HYCC1: variants seen among roughly 807,000 people sequenced by gnomAD.
HYCC1 encodes hyccin.
chr7:22,963,302 T>C, the HYCC1 span, among the ~76,000 whole-genome samples: 4 of 152,194 alleles, frequency 2.6e-5, no homozygotes, highest in Admixed American at 6.5e-5. Flanking sequence ...CTAAAGGCTC[T>C]AGTGGAAAAG....
the HYCC1 span, among the ~76,000 whole-genome samples, chr7:23,010,173 A>G: frequency 2.0e-5 from 3 of 152,240 alleles, no homozygotes; most frequent in Admixed American, 6.5e-5. Flanking sequence ...GATGATAACA[A>G]AGAAATATAC....
the HYCC1 span, among the ~76,000 whole-genome samples, chr7:22,914,073 G>T: frequency 6.6e-6 from 1 of 152,130 alleles, no homozygotes; most frequent in Non-Finnish European, 1.5e-5. Context: ...AGAAACAAAG[G>T]AGGCACATTT....
the HYCC1 span, among the ~76,000 whole-genome samples, chr7:22,948,353 TA>T: frequency 6.6e-6 from 1 of 152,072 alleles, no homozygotes; most frequent in Non-Finnish European, 1.5e-5. Context: ...TAACAGGTAG[TA>T]AAAGAACAAA....
chr7:22,918,997 A>G, the HYCC1 span, among the ~76,000 whole-genome samples: 1 of 152,192 alleles, frequency 6.6e-6, no homozygotes, highest in Non-Finnish European at 1.5e-5. Flanking sequence ...AATAACAAAA[A>G]CAAGTCCCAG....
chr7:22,946,169 C>T, the HYCC1 span: 1 of 1,608,100 alleles, frequency 6.2e-7, no homozygotes, highest in Non-Finnish European at 8.5e-7. Context: ...ATTTCCTAAA[C>T]AAAGAAATGA....
the HYCC1 span, among the ~76,000 whole-genome samples, chr7:22,952,407 T>C: frequency 6.6e-6 from 1 of 151,954 alleles, no homozygotes; most frequent in African/African-American, 2.4e-5. Context: ...ACTATTCAAA[T>C]TTCAGCTCAA....
the HYCC1 span, among the ~76,000 whole-genome samples, chr7:22,899,480 C>T: frequency 6.6e-6 from 1 of 152,162 alleles, no homozygotes; most frequent in African/African-American, 2.4e-5. Context: ...CAACCTGTCC[C>T]TCTGCACACA....
At chr7:22,945,419 A>G in the HYCC1 span, 1 of 619,582 alleles carries the variant, frequency 1.6e-6, no homozygotes. Context: ...CCATATTTCA[A>G]CTTACTGCAA....
At chr7:22,953,161 C>T in the HYCC1 span, among the ~76,000 whole-genome samples, 1 of 151,852 alleles carries the variant, frequency 6.6e-6, no homozygotes, top group Non-Finnish European at 1.5e-5. Flanking sequence ...TAGAGAATTG[C>T]AACATACGGC....
At chr7:22,961,015 C>T in the HYCC1 span, among the ~76,000 whole-genome samples, 1 of 152,196 alleles carries the variant, frequency 6.6e-6, no homozygotes, top group Non-Finnish European at 1.5e-5. Flanking sequence ...CGTGCCATTG[C>T]ACTCCAGCCT....
At chr7:22,973,589 G>GT in the HYCC1 span, among the ~76,000 whole-genome samples, 5 of 151,676 alleles carry the variant, frequency 3.3e-5, no homozygotes, top group Non-Finnish European at 7.4e-5. Context: ...CCCCACTCTT[G>GT]TTTTTTTTCA....
At chr7:22,980,544 CA>C in the HYCC1 span, among the ~76,000 whole-genome samples, 1 of 152,070 alleles carries the variant, frequency 6.6e-6, no homozygotes. Flanking sequence ...GCACATGACT[CA>C]AAAATGTTCT....
the HYCC1 span, among the ~76,000 whole-genome samples, chr7:22,900,167 A>C: frequency 6.6e-6 from 1 of 152,214 alleles, no homozygotes; most frequent in Non-Finnish European, 1.5e-5. Context: ...TTTAAAGGGG[A>C]CAGTTTTCCT....
chr7:22,925,981 C>A, the HYCC1 span, among the ~76,000 whole-genome samples: 2 of 152,294 alleles, frequency 1.3e-5, no homozygotes, highest in South Asian at 2.1e-4. Flanking sequence ...AACAGCTGAT[C>A]TCTCGGCAGA....
the HYCC1 span, among the ~76,000 whole-genome samples, chr7:23,005,175 T>C: frequency 7.2e-5 from 11 of 152,122 alleles, no homozygotes; most frequent in Admixed American, 6.6e-4. Context: ...TGTTTTAATA[T>C]AGCTCAATAA....
chr7:22,956,566 A>C, the HYCC1 span, among the ~76,000 whole-genome samples: 1 of 151,776 alleles, frequency 6.6e-6, no homozygotes, highest in Non-Finnish European at 1.5e-5. Flanking sequence ...GTTAAAACCA[A>C]CCTTTCTTTA....
the HYCC1 span, chr7:22,940,575 T>C: frequency 6.6e-6 from 1 of 152,142 alleles, no homozygotes; most frequent in Non-Finnish European, 1.5e-5. Flanking sequence ...TCTAAGTACA[T>C]GCTATAATGC....
At chr7:22,901,303 A>C in the HYCC1 span, among the ~76,000 whole-genome samples, 1 of 151,480 alleles carries the variant, frequency 6.6e-6, no homozygotes, top group Admixed American at 6.6e-5. Flanking sequence ...AACCCAGAGG[A>C]AGTCAGAAAA....
chr7:22,991,153 T>G, the HYCC1 span: 1 of 1,511,404 alleles, frequency 6.6e-7, no homozygotes, highest in Non-Finnish European at 9.2e-7. Flanking sequence ...AAAATTAACA[T>G]AGAAAAATGT....
Sources: gnomAD v4.1 joint callset for allele counts (sites outside exome capture counted in the v4.1 genomes callset) on GRCh38, gnomAD v4.1.1 for gene constraint, MANE v1.5 for transcripts, NCBI Gene and HGNC (gene_info 2026-07-23, HGNC 2026-07-21) for gene names.